XKR5: variants seen among roughly 807,000 people sequenced by gnomAD.
XKR5 encodes XK-related protein 5.
Under a neutral mutation model 40.8 loss-of-function variants are expected in XKR5, and 46 were observed. The observed-to-expected ratio is 1.13, with a 90% CI of 0.89 to 1.44. The LOEUF is 1.44. Ranked by LOEUF, XKR5 falls within the 40% of genes most tolerant of loss-of-function variation. The pLI is 0.00. For synonymous variants in XKR5, 466 were observed against 356.1 expected (o/e 1.31, Z -3.48); for missense variants, 1,169 against 844.7 (o/e 1.38, Z -4.76).
rs772916446 is a variant in XKR5, at chr8:6,825,349, C to T, written c.243G>A (p.Arg81=). The T allele has an allele frequency of 1.3e-6, 2 of 1,547,090 alleles. No homozygotes were observed. The highest frequency in any genetic ancestry group is 4.7e-5 in the East Asian group (2 of 42,756). Residue 81 remains arginine, a splice_region_variant and synonymous_variant, in exon 3 of 7, where the codon CGG becomes CGA. Transcript: ENST00000618742. ...GACTGGTCAGTGCAGCGTCCCAGTGCCTAGGGAACAGCAGAGGGCACGTGA... is the reference window on the plus strand; with the variant it reads ...GACTGGTCAGTGCAGCGTCCCAGTGTCTAGGGAACAGCAGAGGGCACGTGA... ...LHLLQLGVWK[R]HWDAALTSLQ...
intron 5 of XKR5, among the ~76,000 whole-genome samples, chr8:6,820,295 A>C (rs1804173474): frequency 6.6e-6 from 1 of 152,146 alleles, no homozygotes; most frequent in Non-Finnish European, 1.5e-5. Flanking sequence ...CTCCAAATGT[A>C]ATGGTGTCTG....
Position 6,811,088 on chromosome 8 carries a change from A to G in XKR5, c.*110T>C, listed in dbSNP as rs1045067553. ...GGATGCAGATGGAGATTCAGAGGTG[A>G]CAGTGATGTGCCCAAGGACACAGGT... On this transcript the variant is annotated 3_prime_UTR_variant, in exon 7 of 7. Transcript: ENST00000618742. 9.3e-7 allele frequency: 1 copy of G among 1,079,262 alleles called. No homozygotes were observed. Among genetic ancestry groups the G allele is most frequent in the Non-Finnish European group, 1.3e-6 (1 of 773,844 alleles). The allele number at this position is 1,079,262 out of a possible 1,614,324, so 66.9% of individuals were successfully genotyped here.
At position 6,811,418 on chromosome 8, in the gene XKR5, G is replaced by A. The variant is rs1803678546; in HGVS notation, c.1841C>T (p.Ala614Val). Residue 614 changes from alanine (A) to valine (V), a missense_variant, in exon 7 of 7, where the codon GCA becomes GTA. Coordinates refer to ENST00000618742, the MANE Select transcript of XKR5 (RefSeq NM_207411.5). ...TGPCRGFCPSAGFPGRTLSIS... is the reference protein window; with the variant it reads ...TGPCRGFCPSVGFPGRTLSIS... The stretch of plus-strand genomic sequence containing the variant: ...ACTGAGGGTTCTTCCAGGGAAGCCT[G>A]CACTGGGGCAGAAGCCTCTACATGG... 3.3e-6 allele frequency: 5 copies of A among 1,537,046 alleles called. No individual in the cohort carries two copies. In the Admixed American group the frequency reaches 7.8e-5, roughly 24 times the overall value.
In XKR5 at chr8:6,811,890, A is replaced by G; in HGVS notation, c.1369T>C (p.Ser457Pro). The G allele has an allele frequency of 2.0e-6, 3 of 1,537,458 alleles. No homozygotes were observed. Among genetic ancestry groups the G allele is most frequent in the Non-Finnish European group, 1.7e-6 (2 of 1,146,972 alleles). Residue 457 changes from serine (S) to proline (P), a missense_variant, in exon 7 of 7, where the codon TCC (serine) becomes CCC (proline). By Grantham distance (74) the Ser-to-Pro change is moderately conservative. Coordinates refer to ENST00000618742, the MANE Select transcript of XKR5 (RefSeq NM_207411.5). ...KALSAQQELP[S>P]SSRDPSTLEN... ...AAGGTTGAGGGGTCACGGGATGAGG[A>G]TGGGAGCTCTTGCTGGGCAGACAAG...
chr8:6,831,631 GAACACCTTTCC>G (rs1203853143), intron 2 of XKR5, among the ~76,000 whole-genome samples: 1 of 152,018 alleles, frequency 6.6e-6, no homozygotes, highest in Admixed American at 6.5e-5. Context: ...ACGACCCCTT[GAACACCTTTCC>G]AACCCTCAGT....
At chr8:6,834,492 C>G (rs111884403) in intron 1 of XKR5, among the ~76,000 whole-genome samples, 2,027 of 152,298 alleles carry the variant, frequency 0.013, 49 homozygotes, top group African/African-American at 0.045. Flanking sequence ...GGGAGGACAC[C>G]TGGGGTGGGT....
In XKR5 at chr8:6,808,793, A is replaced by C. The variant is rs1213987697; in HGVS notation, c.*2405T>G. 6.6e-6 allele frequency: 1 copy of C among 152,212 alleles called. No homozygotes were observed. Among genetic ancestry groups the C allele is most frequent in the East Asian group, 1.9e-4 (1 of 5,198 alleles). The allele number at this position is 152,212 out of a possible 1,614,324, so 9.4% of individuals were successfully genotyped here. ...TATTCAAGGGCTAGAAAGTTTGAAA[A>C]GAATGAGCAAATTCCCCATATCCCA... On this transcript the variant is annotated 3_prime_UTR_variant, in exon 7 of 7. Coordinates refer to ENST00000618742, the MANE Select transcript of XKR5 (RefSeq NM_207411.5).
At chr8:6,819,475 C>T (rs1804125411) in intron 5 of XKR5, among the ~76,000 whole-genome samples, 1 of 152,202 alleles carries the variant, frequency 6.6e-6, no homozygotes, top group South Asian at 2.1e-4. Context: ...GGCCACTCAG[C>T]CACATTGGAT....
Position 6,832,849 on chromosome 8 carries a change from C to T in XKR5, c.110G>A (p.Trp37Ter), listed in dbSNP as rs561789676. ...YFTTGRLLWGWLALAVLLPGF... is the reference protein window; with the variant it reads ...YFTTGRLLWG Reference sequence around the variant, plus strand: ...GGGCAGGAGGACAGCAAGGGCCAGCCACCCCCACAGAAGCCGTCCTGTGGT... The same window carrying T: ...GGGCAGGAGGACAGCAAGGGCCAGCTACCCCCACAGAAGCCGTCCTGTGGT... The change falls in exon 2 of 7, where the codon TGG becomes TAG. Residue 37 changes from tryptophan (W) to a stop codon, truncating the protein, a stop_gained. Transcript: ENST00000618742. LOFTEE classifies it high-confidence loss of function. 22 of 1,611,060 alleles carry T rather than the reference C, an allele frequency of 1.4e-5. No individual in the cohort carries two copies. The South Asian group carries it at 1.9e-4, about 14-fold the overall frequency.
intron 2 of XKR5, among the ~76,000 whole-genome samples, chr8:6,827,296 A>T (rs569496967): frequency 1.3e-5 from 2 of 152,258 alleles, no homozygotes; most frequent in East Asian, 3.9e-4. Flanking sequence ...GTCTTGTTCA[A>T]TTTAAGAACT....
In XKR5 at chr8:6,821,195, C is replaced by T. The variant is rs184367624; in HGVS notation, c.807+674G>A. Among the ~76,000 whole-genome samples, 86 of 152,284 alleles carry T rather than the reference C, an allele frequency of 5.6e-4. 1 individual carries two copies. Among genetic ancestry groups the T allele is most frequent in the Non-Finnish European group, 7.4e-5 (5 of 68,018 alleles). ...TTCTGACTCTAAAACCCATGCCCCA[C>T]CAATGTGATTGTATTTTCTCTCCTT... On this transcript the variant is annotated intron_variant, in intron 5 of 6. Coordinates refer to ENST00000618742, the MANE Select transcript of XKR5 (RefSeq NM_207411.5).
rs929768522 is a variant in XKR5 at position 6,825,270 on chromosome 8, C to G, written c.322G>C (p.Asp108His). 2.5e-6 allele frequency: 4 copies of G among 1,611,026 alleles called. No homozygotes were observed. The highest frequency in any genetic ancestry group is 3.4e-6 in the Non-Finnish European group (4 of 1,178,986). ...HRGWLQLQEA[D>H]LSALRLLEAL... ...TCCAAGAGTCGAAGGGCCGACAGGT[C>G]GGCCTCCTGCAGCTGCAGCCAGCCT... The change falls in exon 3 of 7, where the codon GAC becomes CAC. Residue 108 changes from aspartate to histidine, a missense_variant. Transcript: ENST00000618742.
intron 3 of XKR5, 93 bp downstream of exon 3, chr8:6,825,072 A>C: frequency 6.8e-7 from 1 of 1,477,392 alleles, no homozygotes; most frequent in South Asian, 1.2e-5. Flanking sequence ...TAAGCAGAGG[A>C]AATCTCGAAG....
In XKR5 at chr8:6,821,959, CA is replaced by C. The variant is rs752500375; in HGVS notation, c.716del (p.Leu239ArgfsTer59). 20 of 1,612,494 alleles carry C rather than the reference CA, an allele frequency of 1.2e-5. No individual in the cohort carries two copies. In the Admixed American group the frequency reaches 3.3e-4, roughly 27 times the overall value. On this transcript the variant is annotated frameshift_variant, in exon 5 of 7. Transcript: ENST00000618742. LOFTEE classifies it high-confidence loss of function. Reference sequence around the variant, plus strand: ...ACACGGCCCCCACGAGCAGGTTGAACAGCCTCCAGTGGCAGGTGCTGTCGAT... The same window carrying C: ...ACACGGCCCCCACGAGCAGGTTGAACGCCTCCAGTGGCAGGTGCTGTCGAT... ...DIIDSTCHWRLFNLLVGAVYI... is the reference protein window; with the variant it reads ...DIIDSTCHWRXFNLLVGAVYI...
chr8:6,827,368 C>A (rs966564487), intron 2 of XKR5, among the ~76,000 whole-genome samples: 1 of 152,206 alleles, frequency 6.6e-6, no homozygotes, highest in Non-Finnish European at 1.5e-5. Flanking sequence ...AGGTCACCTG[C>A]AAAACTCCCT....
In XKR5 at chr8:6,815,632, C is replaced by T. The variant is rs575578987; in HGVS notation, c.919+175G>A. ...GTCAAGCAAGGCAGATGAGGCTGAGCTCAGTATCTCATGCTCTGATGGGCA... is the reference window on the plus strand; with the variant it reads ...GTCAAGCAAGGCAGATGAGGCTGAGTTCAGTATCTCATGCTCTGATGGGCA... On this transcript the variant is annotated intron_variant, in intron 6 of 6. Transcript: ENST00000618742. Among the ~76,000 whole-genome samples the T allele has an allele frequency of 2.0e-5, 3 of 152,216 alleles. No individual in the cohort carries two copies. In the South Asian group the frequency reaches 6.2e-4, roughly 32 times the overall value.
chr8:6,811,436 C>T lies in XKR5; in HGVS notation c.1823G>A (p.Arg608Lys), dbSNP rs1163802418. The T allele has an allele frequency of 6.5e-7, 1 of 1,536,590 alleles. No homozygotes were observed. Among genetic ancestry groups the T allele is most frequent in the African/African-American group, 1.4e-5 (1 of 73,144 alleles). ...GAAGCCTGCACTGGGGCAGAAGCCTCTACATGGGCCTGTGCCTAGGATGGG... is the reference window on the plus strand; with the variant it reads ...GAAGCCTGCACTGGGGCAGAAGCCTTTACATGGGCCTGTGCCTAGGATGGG... The part of the protein sequence containing the change: ...ISPILGTGPC[R>K]GFCPSAGFPG... Residue 608 changes from arginine (R) to lysine (K), a missense_variant, in exon 7 of 7, where the codon AGA (arginine) becomes AAA (lysine). Physicochemically the swap from Arg to Lys is conservative, Grantham distance 26. Transcript: ENST00000618742.
intron 2 of XKR5, 141 bp downstream of exon 2, chr8:6,832,576 G>C (rs920022636): frequency 3.0e-6 from 3 of 1,013,912 alleles, no homozygotes; most frequent in Non-Finnish European, 4.3e-6. Flanking sequence ...TATCAGAGCA[G>C]GGGTTTGCTG....
chr8:6,813,971 A>G (rs73661483), intron 6 of XKR5, among the ~76,000 whole-genome samples: 1 of 152,134 alleles, frequency 6.6e-6, no homozygotes, highest in Non-Finnish European at 1.5e-5. Context: ...GGACTCAGCT[A>G]TACCTCCCGT....
Sources: gnomAD v4.1 joint callset for allele counts (sites outside exome capture counted in the v4.1 genomes callset) on GRCh38, gnomAD v4.1.1 for gene constraint, MANE v1.5 for transcripts, NCBI Gene and HGNC (gene_info 2026-07-23, HGNC 2026-07-21) for gene names.